Variants in TTLL11 observed in about 807,000 individuals in gnomAD.
TTLL11 encodes tubulin tyrosine ligase like 11.
Under a neutral mutation model 51.7 loss-of-function variants are expected in TTLL11, and 42 were observed. The ratio of observed to expected loss-of-function variants is 0.81; its 90% CI spans 0.64 to 1.05. The LOEUF (loss-of-function observed/expected upper bound fraction) is 1.05, where lower values mean the gene tolerates loss of function less well. Among genes scored for constraint, TTLL11 ranks in the 50% least tolerant of loss-of-function variants. The pLI is 0.00. For missense variants in TTLL11, 799 were observed against 940.4 expected, an observed-to-expected ratio of 0.85 and a Z score of 1.97; for synonymous variants, 381 against 383.5, an observed-to-expected ratio of 0.99 and a Z score of 0.08.
intron 3 of TTLL11, among the ~76,000 whole-genome samples, chr9:122,015,741 A>G (rs7039846): frequency 0.43 from 64,705 of 150,200 alleles, 15,847 homozygotes; most frequent in African/African-American, 0.67. Context: ...TGAAGTGACA[A>G]GCTGGGTCCT....
rs1234157085 is a variant in TTLL11 at position 122,077,861 on chromosome 9, G to A, written c.462+14826C>T. 5.3e-4 allele frequency among the ~76,000 whole-genome samples: 79 copies of A among 148,786 alleles called. 1 individual carries two copies. Among genetic ancestry groups the A allele is most frequent in the African/African-American group, 1.8e-3 (74 of 40,860 alleles). ...AAAAAAAAAAAAAAGATGGGAGGAA[G>A]GAGGAAGGAAAGAAAAAACATCCTC... On this transcript the variant is annotated intron_variant, in intron 1 of 8. Transcript: ENST00000321582.
Position 122,062,462 on chromosome 9 carries a change from C to CTTTTTTTTTTTTTTTTTT in TTLL11, c.463-23112_463-23095dup, listed in dbSNP as rs386416145. 9.0e-5 allele frequency among the ~76,000 whole-genome samples: 7 copies of CTTTTTTTTTTTTTTTTTT among 77,678 alleles called. 1 individual carries two copies. Among genetic ancestry groups the CTTTTTTTTTTTTTTTTTT allele is most frequent in the South Asian group, 4.9e-4 (1 of 2,036 alleles). 51.0% of individuals were successfully genotyped at this position (77,678 alleles called of 152,430 possible). A position where few individuals can be genotyped will look rare whatever the true frequency, so the allele number is the denominator to read the frequency against. On this transcript the variant is annotated intron_variant, in intron 1 of 8. Coordinates refer to ENST00000321582, the MANE Select transcript of TTLL11 (RefSeq NM_001139442.2). ...AACTGTGCAAGATCTTTATATTATG[C>CTTTTTTTTTTTTTTTTTT]TTTTTTTTTTTTTTTTTTTTTTTTG...
chr9:121,885,308 C>T (rs1838968849), intron 6 of TTLL11: 2 of 152,236 alleles, frequency 1.3e-5, no homozygotes, highest in South Asian at 4.1e-4. Context: ...CTCCCTCTTC[C>T]TCAGCCTGGT....
rs1234015462 is a variant in TTLL11 at position 121,817,065 on chromosome 9, A to G, written c.*5522T>C. On this transcript the variant is annotated 3_prime_UTR_variant, in exon 9 of 9. Transcript: ENST00000321582. Reference sequence around the variant, plus strand: ...CCAGCTCCCTGCCGGGAGAGCCATCATTTCTGAGCTTTCAGGGAAGATGCT... The same window carrying G: ...CCAGCTCCCTGCCGGGAGAGCCATCGTTTCTGAGCTTTCAGGGAAGATGCT... 1 of 152,176 alleles carries G rather than the reference A, an allele frequency of 6.6e-6. No individual in the cohort carries two copies. Among genetic ancestry groups the G allele is most frequent in the Non-Finnish European group, 1.5e-5 (1 of 68,052 alleles). The allele number at this position is 152,176 out of a possible 1,614,324, so 9.4% of individuals were successfully genotyped here.
chr9:122,078,134 C>T (rs1845906470), intron 1 of TTLL11, among the ~76,000 whole-genome samples: 1 of 151,938 alleles, frequency 6.6e-6, no homozygotes, highest in East Asian at 1.9e-4. Flanking sequence ...ATTAGCAAAG[C>T]AGCCAACTTA....
At chr9:121,952,692 T>C (rs1171400330) in intron 6 of TTLL11, among the ~76,000 whole-genome samples, 1 of 152,150 alleles carries the variant, frequency 6.6e-6, no homozygotes, top group Non-Finnish European at 1.5e-5. Flanking sequence ...TTGGAGACAC[T>C]GGCAAACGTG....
intron 3 of TTLL11, among the ~76,000 whole-genome samples, chr9:122,021,428 G>T (rs933793942): frequency 6.6e-6 from 1 of 152,172 alleles, no homozygotes; most frequent in Admixed American, 6.5e-5. Flanking sequence ...CAGCATGCAC[G>T]TGAGGAAACT....
chr9:122,024,220 G>A (rs915618417), intron 3 of TTLL11, among the ~76,000 whole-genome samples: 2 of 152,062 alleles, frequency 1.3e-5, no homozygotes, highest in Non-Finnish European at 2.9e-5. Flanking sequence ...GAAATCATAA[G>A]GGAAAATTGT....
chr9:121,879,131 C>T (rs1303222462), intron 6 of TTLL11, among the ~76,000 whole-genome samples: 3 of 152,186 alleles, frequency 2.0e-5, no homozygotes, highest in Non-Finnish European at 1.5e-5. Context: ...TACCTGTTTG[C>T]CACTTGGATT....
intron 8 of TTLL11, among the ~76,000 whole-genome samples, chr9:121,856,501 A>C (rs554752495): frequency 1.2e-4 from 19 of 152,296 alleles, no homozygotes; most frequent in African/African-American, 4.6e-4. Flanking sequence ...AATTCTTAGC[A>C]AGCATTTTTT....
intron 1 of TTLL11, among the ~76,000 whole-genome samples, chr9:122,055,183 C>G (rs575670628): frequency 7.3e-6 from 1 of 137,394 alleles, no homozygotes; most frequent in East Asian, 2.2e-4. Context: ...TCTGGGTTCT[C>G]TAGAAAGACA....
chr9:122,029,604 AG>A (rs1844464908), intron 3 of TTLL11, among the ~76,000 whole-genome samples: 1 of 152,246 alleles, frequency 6.6e-6, no homozygotes, highest in Non-Finnish European at 1.5e-5. Flanking sequence ...GTGTGTTTTA[AG>A]CTAAGTGTTA....
intron 1 of TTLL11, among the ~76,000 whole-genome samples, chr9:122,066,870 C>T (rs7023706): frequency 0.069 from 10,508 of 152,072 alleles, 1,027 homozygotes; most frequent in African/African-American, 0.22. Flanking sequence ...GGAAGCAAGG[C>T]ACCTTCTTCA....
chr9:121,854,506 C>T (rs1371939310), intron 8 of TTLL11, among the ~76,000 whole-genome samples: 3 of 152,168 alleles, frequency 2.0e-5, no homozygotes, highest in Non-Finnish European at 2.9e-5. Flanking sequence ...AAACATCTGG[C>T]TTTGAAGTAA....
intron 6 of TTLL11, among the ~76,000 whole-genome samples, chr9:121,892,991 A>G (rs1350998563): frequency 6.6e-6 from 1 of 152,216 alleles, no homozygotes; most frequent in African/African-American, 2.4e-5. Flanking sequence ...CACCACCTAC[A>G]GACTAATTCA....
intron 4 of TTLL11, among the ~76,000 whole-genome samples, chr9:121,976,631 C>T (rs568039096): frequency 6.6e-6 from 1 of 152,118 alleles, no homozygotes; most frequent in African/African-American, 2.4e-5. Flanking sequence ...ATAGAATATG[C>T]ATTAGTTAAA....
chr9:121,849,901 C>T (rs543730956), intron 8 of TTLL11, among the ~76,000 whole-genome samples: 3 of 152,264 alleles, frequency 2.0e-5, no homozygotes, highest in African/African-American at 2.4e-5. Context: ...TGCAGATACT[C>T]GAGTTCCTTA....
intron 8 of TTLL11, among the ~76,000 whole-genome samples, chr9:121,831,403 G>T (rs1034262739): frequency 1.3e-5 from 2 of 152,152 alleles, no homozygotes; most frequent in Admixed American, 6.6e-5. Flanking sequence ...GAGTGAAGAA[G>T]TTAAGAGAAT....
chr9:122,085,836 T>G (rs181303648), intron 1 of TTLL11, among the ~76,000 whole-genome samples: 1 of 152,290 alleles, frequency 6.6e-6, no homozygotes, highest in East Asian at 1.9e-4. Flanking sequence ...CTCAGAGAGG[T>G]TCTGTATTTA....
Sources: allele counts gnomAD v4.1 joint callset (sites outside exome capture counted in the v4.1 genomes callset), GRCh38; gene constraint gnomAD v4.1.1; transcripts MANE v1.5; gene names NCBI Gene and HGNC (gene_info 2026-07-23, HGNC 2026-07-21).